PDGFD: variants seen among roughly 807,000 people sequenced by gnomAD.
PDGFD encodes platelet-derived growth factor D.
In PDGFD, 30 loss-of-function variants were observed where a neutral mutation model predicts 44.7. The observed-to-expected ratio is 0.67, with a 90% CI of 0.50 to 0.91. PDGFD has a LOEUF of 0.91. Ranked by LOEUF, PDGFD falls within the 40% of genes least tolerant of loss-of-function variation. PDGFD has a pLI of 0.00. For missense variants in PDGFD, 445 were observed against 457.8 expected, an observed-to-expected ratio of 0.97 and a Z score of 0.25; for synonymous variants, 173 against 168.4, an observed-to-expected ratio of 1.03 and a Z score of -0.21.
At chr11:104,095,702 C>T (rs1861275521) in intron 1 of PDGFD, among the ~76,000 whole-genome samples, 1 of 152,144 alleles carries the variant, frequency 6.6e-6, no homozygotes, top group Non-Finnish European at 1.5e-5. Flanking sequence ...GTCTATAAAA[C>T]ATGCTCCATA....
intron 1 of PDGFD, among the ~76,000 whole-genome samples, chr11:104,005,330 T>A (rs1306877508): frequency 6.6e-6 from 1 of 152,226 alleles, no homozygotes; most frequent in Non-Finnish European, 1.5e-5. Flanking sequence ...CTATAGAAAG[T>A]GTTCTTCCTT....
chr11:104,037,724 G>A lies in PDGFD; in HGVS notation c.125-37469C>T, dbSNP rs772774679. ...GTGGGCACACAGAGAATTATTGGCC[G>A]TGTTCATCTAGCTCAGATTCAAATT... is the stretch of plus-strand genomic sequence containing the variant. On this transcript the variant is annotated intron_variant, in intron 1 of 6. Transcript: ENST00000393158. 1.6e-5 allele frequency: 26 copies of A among 1,613,978 alleles called. No homozygotes were observed. Among genetic ancestry groups the A allele is most frequent in the Admixed American group, 6.7e-5 (4 of 60,006 alleles).
chr11:103,914,926 T>C (rs1858094975), intron 6 of PDGFD, among the ~76,000 whole-genome samples: 1 of 152,166 alleles, frequency 6.6e-6, no homozygotes. Flanking sequence ...CTCAGTAAAC[T>C]AGGTATCGAT....
At chr11:103,961,447 T>G (rs1185905979) in intron 3 of PDGFD, among the ~76,000 whole-genome samples, 1 of 152,076 alleles carries the variant, frequency 6.6e-6, no homozygotes, top group Non-Finnish European at 1.5e-5. Context: ...GCCTTGGAAT[T>G]GACTTTTGTA....
intron 3 of PDGFD, among the ~76,000 whole-genome samples, chr11:103,950,270 C>T (rs1177183105): frequency 6.6e-6 from 1 of 151,684 alleles, no homozygotes; most frequent in African/African-American, 2.4e-5. Context: ...GGAAACTGGC[C>T]AGGAGTGGTG....
chr11:103,947,569 C>T, intron 4 of PDGFD, 93 bp downstream of exon 4: 1 of 911,366 alleles, frequency 1.1e-6, no homozygotes, highest in Admixed American at 1.8e-5. Context: ...TTGATCAAGC[C>T]ACAGGTCCTT....
chr11:104,037,608 C>A lies in PDGFD; in HGVS notation c.125-37353G>T, dbSNP rs749546050. On this transcript the variant is annotated intron_variant, in intron 1 of 6. Transcript: ENST00000393158. ...CTTTGAAGGCTTTTGTTGACTCGGG[C>A]GCCCAGATGACCATTATGAGCCAGG... 1.1e-5 allele frequency: 18 copies of A among 1,613,850 alleles called. No homozygotes were observed. In the African/African-American group the frequency reaches 1.2e-4, roughly 11 times the overall value.
intron 1 of PDGFD, among the ~76,000 whole-genome samples, chr11:104,032,705 G>T (rs1860148278): frequency 6.7e-6 from 1 of 148,558 alleles, no homozygotes. Context: ...AAGGTATTGT[G>T]GATTTATTAA....
chr11:104,137,728 C>CTTTTTTTTTTTTTTTTTTT (rs5794295), intron 1 of PDGFD, among the ~76,000 whole-genome samples: 2 of 76,616 alleles, frequency 2.6e-5, no homozygotes, highest in African/African-American at 9.5e-5. Flanking sequence ...TAGATCACCA[C>CTTTTTTTTTTTTTTTTTTT]TTTTTTTTTT....
rs375016883 is a variant in PDGFD, at chr11:103,925,398, AGTTTAT to A, written c.987+1508_987+1513del. Among the ~76,000 whole-genome samples the A allele has an allele frequency of 1.1e-3, 164 of 152,214 alleles. 1 individual carries two copies. The highest frequency in any genetic ancestry group is 3.4e-3 in the Middle Eastern group (1 of 294). ...AACAATGATGTTTGCTTCATATTTTAGTTTATATTTTAAAACATATTTCTGCATGAT... is the reference window on the plus strand; with the variant it reads ...AACAATGATGTTTGCTTCATATTTTAATTTTAAAACATATTTCTGCATGAT... On this transcript the variant is annotated intron_variant, in intron 6 of 6. Transcript: ENST00000393158.
intron 1 of PDGFD, among the ~76,000 whole-genome samples, chr11:104,041,752 C>G (rs1210476731): frequency 6.6e-6 from 1 of 152,184 alleles, no homozygotes; most frequent in Non-Finnish European, 1.5e-5. Flanking sequence ...AACATATAAT[C>G]TTAACCTCTT....
intron 1 of PDGFD, among the ~76,000 whole-genome samples, chr11:104,160,566 G>C (rs1437391773): frequency 6.6e-6 from 1 of 152,198 alleles, no homozygotes; most frequent in Non-Finnish European, 1.5e-5. Context: ...TTTGTGACTA[G>C]AGGCAGAAAT....
At chr11:104,127,936 C>T (rs1861862675) in intron 1 of PDGFD, among the ~76,000 whole-genome samples, 1 of 152,094 alleles carries the variant, frequency 6.6e-6, no homozygotes, top group Non-Finnish European at 1.5e-5. Flanking sequence ...CATCTCTTTG[C>T]CTCTCTCCAT....
intron 1 of PDGFD, among the ~76,000 whole-genome samples, chr11:104,044,071 T>C (rs980780200): frequency 1.2e-4 from 19 of 152,154 alleles, no homozygotes; most frequent in Non-Finnish European, 1.9e-4. Context: ...AATGAGTCGA[T>C]TGGATGAAGC....
intron 1 of PDGFD, chr11:104,037,086 C>G (rs755197438): frequency 1.2e-6 from 2 of 1,614,206 alleles, no homozygotes; most frequent in South Asian, 2.2e-5. Flanking sequence ...CAGGGCGTGC[C>G]CCGAACCAGC....
intron 3 of PDGFD, among the ~76,000 whole-genome samples, chr11:103,953,261 A>C (rs1402126487): frequency 1.3e-5 from 2 of 152,144 alleles, no homozygotes; most frequent in Non-Finnish European, 2.9e-5. Flanking sequence ...TAAAACCATA[A>C]GGACAAGCTA....
intron 1 of PDGFD, among the ~76,000 whole-genome samples, chr11:104,044,009 T>A (rs2134401155): frequency 6.6e-6 from 1 of 152,340 alleles, no homozygotes; most frequent in East Asian, 1.9e-4. Flanking sequence ...ATTTGGGGCT[T>A]ACACAATAGG....
intron 1 of PDGFD, among the ~76,000 whole-genome samples, chr11:104,039,839 A>G (rs1240202248): frequency 6.6e-6 from 1 of 152,154 alleles, no homozygotes; most frequent in African/African-American, 2.4e-5. Flanking sequence ...CATTTATGAA[A>G]AAAAGGTCTT....
chr11:104,068,206 T>G (rs902082986), intron 1 of PDGFD, among the ~76,000 whole-genome samples: 5 of 152,156 alleles, frequency 3.3e-5, no homozygotes, highest in Non-Finnish European at 7.4e-5. Context: ...GAAATCGATG[T>G]CTCCATTACA....
Sources: gnomAD v4.1 joint callset for allele counts (sites outside exome capture counted in the v4.1 genomes callset) on GRCh38, gnomAD v4.1.1 for gene constraint, MANE v1.5 for transcripts, NCBI Gene and HGNC (gene_info 2026-07-23, HGNC 2026-07-21) for gene names.